ASB4: variants seen among roughly 807,000 people sequenced by gnomAD.
The protein encoded by ASB4 is ankyrin repeat and SOCS box protein 4.
ASB4 carries 35 observed loss-of-function variants against 38.6 expected under a neutral mutation model. The observed-to-expected ratio is 0.91, with a 90% CI of 0.69 to 1.20. The LOEUF is 1.20. Ranked by LOEUF, ASB4 falls within the 50% of genes most tolerant of loss-of-function variation. The pLI is 0.00. For synonymous variants in ASB4, 195 were observed against 201.3 expected (o/e 0.97, Z 0.26); for missense variants, 557 against 527.2 (o/e 1.06, Z -0.55).
intron 2 of ASB4, among the ~76,000 whole-genome samples, chr7:95,518,503 C>T (rs951188065): frequency 9.2e-5 from 14 of 152,224 alleles, no homozygotes; most frequent in Middle Eastern, 6.3e-3. Context: ...CCTTCTGTTG[C>T]TCTAAGCCAC....
chr7:95,486,539 C>T lies in ASB4; in HGVS notation c.187+381C>T, dbSNP rs150126950. Among the ~76,000 whole-genome samples, 316 of 152,286 alleles carry T rather than the reference C, an allele frequency of 2.1e-3. 1 individual carries two copies. The highest frequency in any genetic ancestry group is 7.1e-3 in the African/African-American group (297 of 41,552). On this transcript the variant is annotated intron_variant, in intron 1 of 4. Transcript: ENST00000325885. The stretch of plus-strand genomic sequence containing the variant: ...TTAGACAATGTACCTGGTTTAAGAA[C>T]ACGCTGCTAATTCTCCATTAACAGC...
At position 95,495,804 on chromosome 7, in the gene ASB4, C is replaced by A; in HGVS notation, c.234C>A (p.Gly78=). The A allele has an allele frequency of 1.9e-6, 3 of 1,612,864 alleles. No homozygotes were observed. The highest frequency in any genetic ancestry group is 2.5e-6 in the Non-Finnish European group (3 of 1,179,832). Residue 78 remains glycine, a synonymous_variant, in exon 2 of 5, where the codon GGC becomes GGA. Transcript: ENST00000325885. ...SYKLKSSWAT[G]LHLSVLFGHV... ...AATTGAAGTCTTCCTGGGCCACAGG[C>A]CTCCATCTCTCTGTCTTGTTTGGCC...
chr7:95,494,958 A>G (rs1358195486), intron 1 of ASB4, among the ~76,000 whole-genome samples: 2 of 152,252 alleles, frequency 1.3e-5, no homozygotes, highest in African/African-American at 4.8e-5. Flanking sequence ...ATAGTTAATT[A>G]TGCAACATAT....
chr7:95,532,350 A>G (rs1790830072), intron 3 of ASB4, among the ~76,000 whole-genome samples: 1 of 152,192 alleles, frequency 6.6e-6, no homozygotes, highest in Non-Finnish European at 1.5e-5. Flanking sequence ...GCGGGGGAAA[A>G]AAGAATTATA....
chr7:95,509,353 C>A (rs575504396), intron 2 of ASB4, among the ~76,000 whole-genome samples: 1 of 152,218 alleles, frequency 6.6e-6, no homozygotes, highest in South Asian at 2.1e-4. Flanking sequence ...AGTTAAGCAT[C>A]CCACATCCGT....
chr7:95,527,648 C>T (rs1790756764), intron 2 of ASB4, among the ~76,000 whole-genome samples, 165 bp from the exon 3 acceptor site: 1 of 152,066 alleles, frequency 6.6e-6, no homozygotes, highest in Admixed American at 6.5e-5. Context: ...ATGGCTTCCA[C>T]GAGGCCCAGG....
chr7:95,544,201 G>A (rs529489090), downstream of ASB4: 11 of 152,230 alleles, frequency 7.2e-5, no homozygotes, highest in South Asian at 8.3e-4. Flanking sequence ...AGAAAGAAAT[G>A]TTTCTTCCAG....
intron 1 of ASB4, among the ~76,000 whole-genome samples, chr7:95,493,629 A>G (rs1790205450): frequency 6.6e-6 from 1 of 152,144 alleles, no homozygotes; most frequent in South Asian, 2.1e-4. Flanking sequence ...GTTGCCAAGG[A>G]GGTAACTTGG....
At chr7:95,548,339 C>T in the ASB4 span, among the ~76,000 whole-genome samples, 2 of 152,112 alleles carry the variant, frequency 1.3e-5, no homozygotes, top group Non-Finnish European at 2.9e-5. Flanking sequence ...TTTTCACTTG[C>T]TTATTTGCTA....
intron 1 of ASB4, among the ~76,000 whole-genome samples, chr7:95,480,365 A>G (rs914916298): frequency 1.3e-5 from 2 of 152,204 alleles, no homozygotes; most frequent in African/African-American, 4.8e-5. Flanking sequence ...TACAGGTGGT[A>G]GCTAAGATGG....
At chr7:95,523,393 TAATA>T (rs2116637623) in intron 2 of ASB4, among the ~76,000 whole-genome samples, 1 of 152,314 alleles carries the variant, frequency 6.6e-6, no homozygotes, top group South Asian at 2.1e-4. Context: ...CGATTTCACC[TAATA>T]AAGAGACAAT....
Position 95,527,859 on chromosome 7 carries a change from C to G in ASB4, c.534C>G (p.Pro178=). 5.0e-6 allele frequency: 8 copies of G among 1,612,214 alleles called. No individual in the cohort carries two copies. Among genetic ancestry groups the G allele is most frequent in the Non-Finnish European group, 6.8e-6 (8 of 1,178,680 alleles). Residue 178 remains proline (P), a synonymous_variant, in exon 3 of 5, where the codon CCC becomes CCG. Coordinates refer to ENST00000325885, the MANE Select transcript of ASB4 (RefSeq NM_016116.3). ...MKTNNQDEET[P]LHTAAHFGLS... is the part of the protein sequence containing the mutation. Reference sequence around the variant, plus strand: ...CCAACAACCAAGATGAGGAGACGCCCTTGCACACGGCTGCCCACTTCGGCC... The same window carrying G: ...CCAACAACCAAGATGAGGAGACGCCGTTGCACACGGCTGCCCACTTCGGCC...
chr7:95,487,583 G>C (rs979217627), intron 1 of ASB4, among the ~76,000 whole-genome samples: 1 of 152,152 alleles, frequency 6.6e-6, no homozygotes, highest in African/African-American at 2.4e-5. Flanking sequence ...CCAAGTTTTA[G>C]GTGCAGGCTC....
At chr7:95,482,257 A>G (rs923490193), upstream of ASB4, among the ~76,000 whole-genome samples, 1 of 152,244 alleles carries the variant, frequency 6.6e-6, no homozygotes, top group African/African-American at 2.4e-5. Context: ...TATTCCACGA[A>G]GTTTAGATAC....
chr7:95,510,726 C>T (rs1382825068), intron 2 of ASB4, among the ~76,000 whole-genome samples: 2 of 152,176 alleles, frequency 1.3e-5, no homozygotes, highest in African/African-American at 4.8e-5. Flanking sequence ...TTACAGGTTT[C>T]CTTCTCTGAC....
chr7:95,550,671 G>A, the ASB4 span, among the ~76,000 whole-genome samples: 2 of 152,130 alleles, frequency 1.3e-5, no homozygotes, highest in East Asian at 3.9e-4. Flanking sequence ...AGAGACTCAG[G>A]CCGTGGATCT....
At chr7:95,484,044 A>AG (rs397888943), upstream of ASB4, among the ~76,000 whole-genome samples, 1 of 151,056 alleles carries the variant, frequency 6.6e-6, no homozygotes, top group Non-Finnish European at 1.5e-5. Context: ...AAAAAAAAAA[A>AG]TTGTCAGGCA....
At chr7:95,536,864 A>G (rs1181368801) in intron 4 of ASB4, among the ~76,000 whole-genome samples, 2 of 152,194 alleles carry the variant, frequency 1.3e-5, no homozygotes, top group Non-Finnish European at 2.9e-5. Flanking sequence ...CTTATATAGC[A>G]TTTTTACCAG....
chr7:95,489,239 CAAA>C, intron 1 of ASB4, among the ~76,000 whole-genome samples: 1 of 152,086 alleles, frequency 6.6e-6, no homozygotes, highest in Non-Finnish European at 1.5e-5. Context: ...AGCTCATAAG[CAAA>C]TATGAAATGT....
Sources: gnomAD v4.1 joint callset for allele counts (sites outside exome capture counted in the v4.1 genomes callset) on GRCh38, gnomAD v4.1.1 for gene constraint, MANE v1.5 for transcripts, NCBI Gene and HGNC (gene_info 2026-07-23, HGNC 2026-07-21) for gene names.